The following CWC27 variants were observed in gnomAD, a reference collection of about 807,000 sequenced individuals.
CWC27 encodes the protein spliceosome-associated protein CWC27 homolog.
In CWC27, 47 loss-of-function variants were observed where a neutral mutation model predicts 63.6. The ratio of observed to expected loss-of-function variants is 0.74; its 90% CI spans 0.58 to 0.94. CWC27 has a LOEUF of 0.94. CWC27 is among the 40% of genes least tolerant of loss of function. The pLI, the probability that CWC27 is intolerant of heterozygous loss-of-function variation, is 0.00. For synonymous variants in CWC27, 175 were observed against 179.8 expected (o/e 0.97, Z 0.22); for missense variants, 495 against 554.3 (o/e 0.89, Z 1.07).
intron 11 of CWC27, among the ~76,000 whole-genome samples, chr5:64,890,378 C>A (rs1168749396): frequency 6.6e-6 from 1 of 152,120 alleles, no homozygotes; most frequent in Non-Finnish European, 1.5e-5. Context: ...GAGTACTTTT[C>A]ATCTGGGTAA....
At chr5:64,796,144 A>G (rs1185802517) in intron 7 of CWC27, among the ~76,000 whole-genome samples, 1 of 151,812 alleles carries the variant, frequency 6.6e-6, no homozygotes. Flanking sequence ...TGGCCTCTAA[A>G]ATATCTTTTT....
At chr5:64,872,686 G>A (rs1746699850) in intron 10 of CWC27, among the ~76,000 whole-genome samples, 1 of 152,082 alleles carries the variant, frequency 6.6e-6, no homozygotes, top group Non-Finnish European at 1.5e-5. Context: ...TAGGAAATGG[G>A]AAATCTTAAA....
chr5:64,905,950 T>C (rs990346601), intron 11 of CWC27, among the ~76,000 whole-genome samples: 2 of 152,178 alleles, frequency 1.3e-5, no homozygotes, highest in African/African-American at 4.8e-5. Flanking sequence ...GTCCTTGTGA[T>C]AGTTTGCTAA....
In CWC27 at chr5:64,944,864, C is replaced by T. The variant is rs199917058; in HGVS notation, c.1043-26839C>T. Among the ~76,000 whole-genome samples, 275 of 152,034 alleles carry T rather than the reference C, an allele frequency of 1.8e-3. 3 individuals are homozygous for T. Among genetic ancestry groups the T allele is most frequent in the Non-Finnish European group, 3.3e-3 (226 of 67,936 alleles). ...TAAAAATATGGCAGATCTTGTCACT[C>T]TTTTTTTTAAACCCACCAATGGATT... On this transcript the variant is annotated intron_variant, in intron 11 of 13. Coordinates refer to ENST00000381070, the MANE Select transcript of CWC27 (RefSeq NM_005869.4).
intron 10 of CWC27, among the ~76,000 whole-genome samples, chr5:64,829,751 G>A (rs1232292474): frequency 9.6e-5 from 14 of 146,404 alleles, no homozygotes; most frequent in Admixed American, 2.1e-4. Context: ...CCATCAACCC[G>A]TCACCTACAT....
intron 11 of CWC27, among the ~76,000 whole-genome samples, chr5:64,965,707 TA>T (rs1375887866): frequency 1.3e-5 from 2 of 152,198 alleles, no homozygotes; most frequent in Non-Finnish European, 2.9e-5. Flanking sequence ...TTACTTCAGT[TA>T]GAGAATATTA....
chr5:64,998,722 G>A (rs912981641), intron 13 of CWC27, among the ~76,000 whole-genome samples: 2 of 151,730 alleles, frequency 1.3e-5, no homozygotes, highest in East Asian at 1.9e-4. Context: ...TTTCATCTTC[G>A]TTTTCTTTTT....
chr5:65,018,163 T>A lies in CWC27; in HGVS notation c.1261T>A (p.Ser421Thr). The change falls in exon 14 of 14, where the codon TCA (serine) becomes ACA (threonine). Residue 421 changes from serine (S) to threonine (T), a missense_variant. Coordinates refer to ENST00000381070, the MANE Select transcript of CWC27 (RefSeq NM_005869.4). ...TEVEDDEGWM[S>T]HVLQFEDKSR... Reference sequence around the variant, plus strand: ...ACCATCTCTCTCCCTATTTAGGATGTCACATGTACTTCAGTTTGAGGATAA... The same window carrying A: ...ACCATCTCTCTCCCTATTTAGGATGACACATGTACTTCAGTTTGAGGATAA... 1 of 1,589,794 alleles carries A rather than the reference T, an allele frequency of 6.3e-7. No individual in the cohort carries two copies. The highest frequency in any genetic ancestry group is 8.5e-7 in the Non-Finnish European group (1 of 1,173,008).
At chr5:64,946,066 A>G (rs1748585554) in intron 11 of CWC27, among the ~76,000 whole-genome samples, 1 of 152,166 alleles carries the variant, frequency 6.6e-6, no homozygotes. Context: ...CATCATTCCC[A>G]TCTTTTCCCA....
intron 11 of CWC27, among the ~76,000 whole-genome samples, chr5:64,962,928 T>C (rs1748944241): frequency 6.6e-6 from 1 of 151,932 alleles, no homozygotes; most frequent in African/African-American, 2.4e-5. Flanking sequence ...ACAATCTGAG[T>C]GATAGAACAT....
At chr5:64,841,154 G>T (rs1314053090) in intron 10 of CWC27, among the ~76,000 whole-genome samples, 1 of 152,224 alleles carries the variant, frequency 6.6e-6, no homozygotes, top group Admixed American at 6.5e-5. Flanking sequence ...GGAAGTCCAA[G>T]ACCATGGTGC....
chr5:64,786,303 G>T (rs1743882980), intron 5 of CWC27, among the ~76,000 whole-genome samples: 2 of 151,960 alleles, frequency 1.3e-5, no homozygotes, highest in Non-Finnish European at 2.9e-5. Flanking sequence ...TTGTAAAATG[G>T]GGATAAAATA....
intron 8 of CWC27, among the ~76,000 whole-genome samples, chr5:64,800,974 T>C (rs991592046): frequency 6.6e-6 from 1 of 152,170 alleles, no homozygotes; most frequent in Non-Finnish European, 1.5e-5. Context: ...TTGGGGGTTT[T>C]TTTAGTCAGA....
At position 64,912,117 on chromosome 5, in the gene CWC27, C is replaced by A. The variant is rs560743998; in HGVS notation, c.1042+26571C>A. Among the ~76,000 whole-genome samples the A allele has an allele frequency of 2.7e-5, 4 of 150,886 alleles. No homozygotes were observed. In the South Asian group the frequency reaches 8.5e-4, roughly 32 times the overall value. On this transcript the variant is annotated intron_variant, in intron 11 of 13. Transcript: ENST00000381070. The stretch of plus-strand genomic sequence containing the variant: ...GAAAGAAAGAAAGAAAGTAGACAGA[C>A]CTGTATAGGTATATAGCTTCAAATA...
chr5:64,874,925 A>G (rs1231718886), intron 10 of CWC27, among the ~76,000 whole-genome samples: 1 of 151,928 alleles, frequency 6.6e-6, no homozygotes, highest in African/African-American at 2.4e-5. Context: ...ATCATTTGTA[A>G]AGTTGGATTG....
chr5:65,018,325 G>A lies in CWC27; in HGVS notation c.*4G>A. The stretch of plus-strand genomic sequence containing the variant: ...AGAGAAAAAAGAAAGAAGATAAAAT[G>A]AGAATAATGATAACCAGAACTTGCT... On this transcript the variant is annotated 3_prime_UTR_variant, in exon 14 of 14. Transcript: ENST00000381070. The A allele has an allele frequency of 6.3e-7, 1 of 1,584,364 alleles. No homozygotes were observed. The highest frequency in any genetic ancestry group is 8.5e-7 in the Non-Finnish European group (1 of 1,170,348).
chr5:64,782,779 A>G (rs746398444), intron 3 of CWC27, among the ~76,000 whole-genome samples: 19 of 152,192 alleles, frequency 1.2e-4, no homozygotes, highest in Non-Finnish European at 2.6e-4. Flanking sequence ...TTCTTGAAGA[A>G]AATACTTGAA....
intron 11 of CWC27, among the ~76,000 whole-genome samples, chr5:64,970,461 C>G (rs1244983904): frequency 1.3e-5 from 2 of 152,112 alleles, no homozygotes; most frequent in African/African-American, 4.8e-5. Flanking sequence ...ATCCGCCCAC[C>G]TCGGCCTCCG....
chr5:64,903,814 A>G (rs1430939832), intron 11 of CWC27, among the ~76,000 whole-genome samples: 1 of 152,196 alleles, frequency 6.6e-6, no homozygotes, highest in African/African-American at 2.4e-5. Context: ...TTCACCCATT[A>G]TTAATATCGT....
Sources: gnomAD v4.1 joint callset for allele counts (sites outside exome capture counted in the v4.1 genomes callset) on GRCh38, gnomAD v4.1.1 for gene constraint, MANE v1.5 for transcripts, NCBI Gene and HGNC (gene_info 2026-07-23, HGNC 2026-07-21) for gene names.